ARHGAP6: variants seen among roughly 807,000 people sequenced by gnomAD.
The protein encoded by ARHGAP6 is rho GTPase-activating protein 6.
In ARHGAP6, 16 loss-of-function variants were observed where a neutral mutation model predicts 55.7. The observed-to-expected ratio is 0.29, with a 90% CI of 0.19 to 0.44. The LOEUF is 0.44. Ranked by LOEUF, ARHGAP6 falls within the 20% of genes least tolerant of loss-of-function variation. ARHGAP6 has a pLI of 1.00. For synonymous variants in ARHGAP6, 382 were observed against 360.9 expected, an observed-to-expected ratio of 1.06 and a Z score of -0.66; for missense variants, 698 against 808.9, an observed-to-expected ratio of 0.86 and a Z score of 1.66.
chrX:11,223,627 AAC>A (rs1369808971), intron 2 of ARHGAP6, among the ~76,000 whole-genome samples: 4 of 112,133 alleles, frequency 3.6e-5, no homozygotes, highest in Non-Finnish European at 7.5e-5. Flanking sequence ...AGAAAGGGAC[AAC>A]CTTATGTCGT....
At chrX:11,336,468 C>T (rs16986421) in intron 1 of ARHGAP6, among the ~76,000 whole-genome samples, 6,285 of 111,204 alleles carry the variant, frequency 0.057, 198 homozygotes, top group African/African-American at 0.11. Flanking sequence ...AAATAGATGA[C>T]GCTGGCACTC....
chrX:11,640,373 C>T (rs981790573), intron 1 of ARHGAP6, among the ~76,000 whole-genome samples: 2 of 111,719 alleles, frequency 1.8e-5, no homozygotes, highest in African/African-American at 3.2e-5. Flanking sequence ...AAGAAAAATT[C>T]TCGTACACTG....
chrX:11,415,471 A>G lies in ARHGAP6; in HGVS notation c.589-160764T>C, dbSNP rs759462387. ...ACTGACGAAACAGAAAAAGAAAATC[A>G]GGATAGATTTGTACCTTCTTAAAAG... On this transcript the variant is annotated intron_variant, in intron 1 of 12. Coordinates refer to ENST00000337414, the MANE Select transcript of ARHGAP6 (RefSeq NM_013427.3). Among the ~76,000 whole-genome samples the G allele has an allele frequency of 1.3e-3, 150 of 112,239 alleles. 1 individual carries two copies. The highest frequency in any genetic ancestry group is 4.6e-3 in the African/African-American group (143 of 30,900).
intron 9 of ARHGAP6, among the ~76,000 whole-genome samples, chrX:11,165,150 AT>A (rs769611298): frequency 2.4e-4 from 27 of 110,924 alleles, no homozygotes; most frequent in Admixed American, 1.3e-3. Context: ...ACAAAAATAC[AT>A]TTTTTTTCTA....
At chrX:11,566,575 T>C (rs1266994883) in intron 1 of ARHGAP6, among the ~76,000 whole-genome samples, 2 of 112,240 alleles carry the variant, frequency 1.8e-5, no homozygotes, top group Non-Finnish European at 3.8e-5. Context: ...TGGAACTTGG[T>C]TTTCTCTATC....
At chrX:11,607,365 T>G (rs1168905949) in intron 1 of ARHGAP6, among the ~76,000 whole-genome samples, 2 of 111,920 alleles carry the variant, frequency 1.8e-5, no homozygotes, top group Non-Finnish European at 1.9e-5. Context: ...GGCAGGATTT[T>G]GTTTCTGAAG....
At chrX:11,143,378 A>G (rs936075344) in intron 11 of ARHGAP6, 46 of 161,883 alleles carry the variant, frequency 2.8e-4, no homozygotes, top group Non-Finnish European at 4.0e-4. Context: ...AGTTCATTAA[A>G]CTCAATGAAT....
At chrX:11,351,667 T>G in intron 1 of ARHGAP6, 5 of 625,301 alleles carry the variant, frequency 8.0e-6, no homozygotes, top group Non-Finnish European at 7.7e-6. Context: ...GTCAGAAGTC[T>G]GCTGGACCCA....
At chrX:11,284,917 C>A (rs1170423484) in intron 1 of ARHGAP6, among the ~76,000 whole-genome samples, 1 of 111,536 alleles carries the variant, frequency 9.0e-6, no homozygotes, top group Non-Finnish European at 1.9e-5. Flanking sequence ...ATAAAATGTA[C>A]CCTGAAGGGC....
At chrX:11,175,859 AT>A (rs3838206) in intron 8 of ARHGAP6, among the ~76,000 whole-genome samples, 18,665 of 105,683 alleles carry the variant, frequency 0.18, 1,341 homozygotes, top group Middle Eastern at 0.3. Context: ...ACCCCAGTAC[AT>A]TTTTTTTTTC....
At chrX:11,260,812 G>A (rs1169908861) in intron 1 of ARHGAP6, among the ~76,000 whole-genome samples, 3 of 111,715 alleles carry the variant, frequency 2.7e-5, no homozygotes, top group African/African-American at 9.8e-5. Context: ...TGGCCCACTG[G>A]CTGTTGTTTG....
rs59061076 is a variant in ARHGAP6 at position 11,512,660 on chromosome X, A to G, written c.588+151581T>C. Among the ~76,000 whole-genome samples the G allele has an allele frequency of 7.0e-3, 778 of 111,436 alleles. 10 individuals carry two copies. The highest frequency in any genetic ancestry group is 0.024 in the African/African-American group (740 of 30,674). ...TCTCATAGATCCTTGCCACACCATAAGAAAAACCCAGGAGAATCTGATGGA... is the reference window on the plus strand; with the variant it reads ...TCTCATAGATCCTTGCCACACCATAGGAAAAACCCAGGAGAATCTGATGGA... On this transcript the variant is annotated intron_variant, in intron 1 of 12. Coordinates refer to ENST00000337414, the MANE Select transcript of ARHGAP6 (RefSeq NM_013427.3).
intron 1 of ARHGAP6, among the ~76,000 whole-genome samples, chrX:11,558,634 G>A (rs1451293911): frequency 1.2e-4 from 13 of 108,256 alleles, no homozygotes; most frequent in Admixed American, 2.0e-4. Context: ...TCAGGAGTTC[G>A]AGACCAGCCT....
intron 2 of ARHGAP6, among the ~76,000 whole-genome samples, chrX:11,235,713 C>A (rs952498092): frequency 1.8e-5 from 2 of 111,268 alleles, no homozygotes; most frequent in South Asian, 7.6e-4. Flanking sequence ...AGGGCAGGGG[C>A]AAAATGCTAC....
intron 1 of ARHGAP6, among the ~76,000 whole-genome samples, chrX:11,643,733 C>T (rs1312142173): frequency 9.0e-6 from 1 of 111,047 alleles, no homozygotes; most frequent in Non-Finnish European, 1.9e-5. Flanking sequence ...TGTAGCCTGA[C>T]CAATAGAAGA....
At chrX:11,237,929 G>A (rs1337290964) in intron 2 of ARHGAP6, among the ~76,000 whole-genome samples, 2 of 111,541 alleles carry the variant, frequency 1.8e-5, no homozygotes, top group Non-Finnish European at 1.9e-5. Flanking sequence ...CCTGTGCTTC[G>A]TAGGATGTTT....
intron 1 of ARHGAP6, among the ~76,000 whole-genome samples, chrX:11,431,178 A>G (rs2049937334): frequency 8.9e-6 from 1 of 111,977 alleles, no homozygotes; most frequent in Admixed American, 9.5e-5. Context: ...AAAATAATAA[A>G]TTTATCTGAT....
chrX:11,420,374 A>G (rs193229161), intron 1 of ARHGAP6, among the ~76,000 whole-genome samples: 377 of 111,977 alleles, frequency 3.4e-3, no homozygotes, highest in Non-Finnish European at 6.0e-3. Context: ...AAGATATTAA[A>G]TTAATTAATT....
intron 1 of ARHGAP6, among the ~76,000 whole-genome samples, chrX:11,448,259 T>G (rs746933611): frequency 1.9e-3 from 215 of 112,286 alleles, no homozygotes; most frequent in Non-Finnish European, 3.6e-3. Flanking sequence ...CCCTCTTGAC[T>G]TTTGTGCCTT....
Sources: allele counts gnomAD v4.1 joint callset (sites outside exome capture counted in the v4.1 genomes callset), GRCh38; gene constraint gnomAD v4.1.1; transcripts MANE v1.5; gene names NCBI Gene and HGNC (gene_info 2026-07-23, HGNC 2026-07-21).